AGBL1: variants seen among roughly 807,000 people sequenced by gnomAD.
The protein encoded by AGBL1 is AGBL carboxypeptidase 1.
AGBL1 carries 130 observed loss-of-function variants against 118.9 expected under a neutral mutation model. The ratio of observed to expected loss-of-function variants is 1.09; its 90% confidence interval spans 0.95 to 1.26. The LOEUF (loss-of-function observed/expected upper bound fraction) is 1.26. AGBL1 is among the 50% of genes most tolerant of loss of function. The probability of loss-of-function intolerance (pLI) is 0.00; values close to 1 mark genes in which losing one functional copy is unlikely to be tolerated. For synonymous variants in AGBL1, 555 were observed against 478.9 expected, an observed-to-expected ratio of 1.16 and a Z score of -2.08; for missense variants, 1,584 against 1,298.1, an observed-to-expected ratio of 1.22 and a Z score of -3.38.
chr15:86,605,438 C>A (rs1341270703), intron 21 of AGBL1, among the ~76,000 whole-genome samples: 1 of 152,130 alleles, frequency 6.6e-6, no homozygotes, highest in Non-Finnish European at 1.5e-5. Flanking sequence ...ATCTGTGCAG[C>A]AGCTAAAAAC....
intron 5 of AGBL1, among the ~76,000 whole-genome samples, chr15:86,189,928 G>A (rs2077693340): frequency 1.3e-5 from 2 of 152,210 alleles, no homozygotes; most frequent in Non-Finnish European, 2.9e-5. Context: ...TAGGCTCAAT[G>A]AGAGCAGAGC....
At chr15:86,212,692 C>G (rs1241264937) in intron 5 of AGBL1, among the ~76,000 whole-genome samples, 1 of 152,168 alleles carries the variant, frequency 6.6e-6, no homozygotes, top group Non-Finnish European at 1.5e-5. Context: ...CTCTGTTGCC[C>G]AGGCTGGAGT....
chr15:86,163,714 T>C (rs1194838464), intron 5 of AGBL1, among the ~76,000 whole-genome samples: 1 of 150,670 alleles, frequency 6.6e-6, no homozygotes, highest in Non-Finnish European at 1.5e-5. Context: ...TGAGACAGAG[T>C]GAGATTCTGT....
chr15:86,705,533 A>G (rs2086434795), intron 22 of AGBL1, among the ~76,000 whole-genome samples: 2 of 152,292 alleles, frequency 1.3e-5, no homozygotes, highest in African/African-American at 2.4e-5. Flanking sequence ...GAATTACTGG[A>G]AAGTATGTTT....
chr15:86,127,141 G>C (rs1277203255), intron 1 of AGBL1, among the ~76,000 whole-genome samples: 1 of 152,176 alleles, frequency 6.6e-6, no homozygotes, highest in African/African-American at 2.4e-5. Context: ...CTTACTCTCT[G>C]ATCCTTGGTA....
rs1425752353 is a variant in AGBL1, at chr15:86,315,516, C to T, written c.2374+20108C>T. 2.6e-5 allele frequency among the ~76,000 whole-genome samples: 4 copies of T among 151,908 alleles called. 1 individual carries two copies. The highest frequency in any genetic ancestry group is 9.7e-5 in the African/African-American group (4 of 41,328). On this transcript the variant is annotated intron_variant, in intron 17 of 22. Transcript: ENST00000614907. ...GGATCACGAGGTTAGGAGTTGGAGACCAGCCTGACCAACATGGTGAAACCC... is the reference window on the plus strand; with the variant it reads ...GGATCACGAGGTTAGGAGTTGGAGATCAGCCTGACCAACATGGTGAAACCC...
chr15:86,190,872 A>T (rs1206250218), intron 5 of AGBL1, among the ~76,000 whole-genome samples: 1 of 152,248 alleles, frequency 6.6e-6, no homozygotes, highest in Non-Finnish European at 1.5e-5. Context: ...CGTACAAAAG[A>T]CATGAATAAT....
chr15:86,890,489 A>G (rs1002349492), intron 22 of AGBL1, among the ~76,000 whole-genome samples: 3 of 152,062 alleles, frequency 2.0e-5, no homozygotes, highest in South Asian at 2.1e-4. Context: ...CCTGAATGGT[A>G]CTGCCTATAT....
At chr15:86,978,285 G>A (rs923053461) in intron 23 of AGBL1, among the ~76,000 whole-genome samples, 2 of 152,166 alleles carry the variant, frequency 1.3e-5, no homozygotes, top group Admixed American at 6.5e-5. Context: ...CTTCTTCCTA[G>A]GTTAGGGGAA....
intron 18 of AGBL1, among the ~76,000 whole-genome samples, chr15:86,458,817 T>A (rs146030657): frequency 6.6e-6 from 1 of 152,146 alleles, no homozygotes; most frequent in South Asian, 2.1e-4. Context: ...TCCTGTGTAG[T>A]TAAGTGCTAT....
intron 17 of AGBL1, among the ~76,000 whole-genome samples, chr15:86,356,979 T>C (rs1038307872): frequency 2.0e-5 from 3 of 152,220 alleles, no homozygotes; most frequent in African/African-American, 7.2e-5. Flanking sequence ...CCATGTTGCC[T>C]GAGAATAACC....
intron 21 of AGBL1, among the ~76,000 whole-genome samples, chr15:86,649,492 AT>A (rs2085335126): frequency 6.6e-6 from 1 of 152,170 alleles, no homozygotes; most frequent in Non-Finnish European, 1.5e-5. Context: ...AGTGAGCCCA[AT>A]CAGCAGAGTG....
chr15:86,170,794 C>T (rs923174392), intron 5 of AGBL1, among the ~76,000 whole-genome samples: 7 of 151,172 alleles, frequency 4.6e-5, no homozygotes, highest in South Asian at 4.2e-4. Flanking sequence ...TGCAGTGAGC[C>T]GAGATCACAC....
intron 6 of AGBL1, among the ~76,000 whole-genome samples, chr15:86,230,273 C>T (rs2078434561): frequency 6.6e-6 from 1 of 152,208 alleles, no homozygotes; most frequent in East Asian, 1.9e-4. Context: ...AATGCAGAGA[C>T]GGGAGAATGT....
chr15:86,260,737 A>G (rs1324184500), intron 9 of AGBL1, among the ~76,000 whole-genome samples: 1 of 152,176 alleles, frequency 6.6e-6, no homozygotes, highest in Non-Finnish European at 1.5e-5. Flanking sequence ...GGTGAACTCA[A>G]GTCTGAGGCA....
chr15:86,772,525 A>G (rs1223043749), intron 22 of AGBL1, among the ~76,000 whole-genome samples: 3 of 152,068 alleles, frequency 2.0e-5, no homozygotes, highest in Non-Finnish European at 2.9e-5. Flanking sequence ...TTGGTAAATC[A>G]TCTGTTCCTT....
chr15:86,458,888 A>G (rs906660764), intron 18 of AGBL1, among the ~76,000 whole-genome samples: 1 of 152,194 alleles, frequency 6.6e-6, no homozygotes, highest in African/African-American at 2.4e-5. Context: ...AGGCAAATAG[A>G]CATATTAAGG....
intron 5 of AGBL1, among the ~76,000 whole-genome samples, chr15:86,215,664 C>T (rs981076): frequency 6.6e-6 from 1 of 152,084 alleles, no homozygotes; most frequent in Non-Finnish European, 1.5e-5. Context: ...CTTTCTTAGT[C>T]TCTTCATCTG....
At chr15:86,784,301 T>A (rs915475298) in intron 22 of AGBL1, among the ~76,000 whole-genome samples, 1 of 152,138 alleles carries the variant, frequency 6.6e-6, no homozygotes, top group Non-Finnish European at 1.5e-5. Context: ...TCAGGAAAAA[T>A]ATAGCCAGAA....
Sources: gnomAD v4.1 joint callset for allele counts (sites outside exome capture counted in the v4.1 genomes callset) on GRCh38, gnomAD v4.1.1 for gene constraint, MANE v1.5 for transcripts, NCBI Gene and HGNC (gene_info 2026-07-23, HGNC 2026-07-21) for gene names.